Variants in SGCD observed in about 807,000 individuals in gnomAD.
The protein encoded by SGCD is delta-sarcoglycan.
A neutral mutation model predicts 36.6 loss-of-function variants in SGCD; 18 were observed. That is an observed-to-expected ratio of 0.49 (90% CI 0.34 to 0.73). The LOEUF is 0.73. SGCD is among the 30% of genes least tolerant of loss of function. The probability of loss-of-function intolerance (pLI) is 0.01; values close to 1 mark genes in which losing one functional copy is unlikely to be tolerated. For synonymous variants in SGCD, 133 were observed against 130.6 expected (o/e 1.02, Z -0.12); for missense variants, 387 against 346.7 (o/e 1.12, Z -0.92).
intron 7 of SGCD, among the ~76,000 whole-genome samples, chr5:156,752,964 T>TGTCA (rs1274761304): frequency 6.6e-6 from 1 of 152,086 alleles, no homozygotes; most frequent in Non-Finnish European, 1.5e-5. Flanking sequence ...GGTTACTCAC[T>TGTCA]GTCATCACCT....
chr5:155,824,416 CAGATA>C, the SGCD span, among the ~76,000 whole-genome samples: 40 of 152,228 alleles, frequency 2.6e-4, 1 homozygote, highest in African/African-American at 6.0e-4. Flanking sequence ...ATTATTGTAA[CAGATA>C]AAAGTTGGCA....
intron 2 of SGCD, among the ~76,000 whole-genome samples, chr5:156,342,782 G>C (rs1411627285): frequency 6.6e-6 from 1 of 152,212 alleles, no homozygotes; most frequent in African/African-American, 2.4e-5. Context: ...ACTTGCCCAT[G>C]GTATTTAGCT....
the SGCD span, among the ~76,000 whole-genome samples, chr5:155,852,652 CA>C: frequency 2.5e-3 from 382 of 151,906 alleles, 1 homozygote; most frequent in African/African-American, 8.0e-3. Context: ...CTGTCTTGGT[CA>C]AATAAATGAA....
At chr5:156,147,049 T>C (rs1191290047) in intron 3 of SGCD, among the ~76,000 whole-genome samples, 1 of 152,156 alleles carries the variant, frequency 6.6e-6, no homozygotes, top group African/African-American at 2.4e-5. Context: ...CATTAATTAA[T>C]GAAAATAATA....
chr5:156,694,013 A>G (rs111632536), intron 7 of SGCD, among the ~76,000 whole-genome samples: 8 of 152,210 alleles, frequency 5.3e-5, no homozygotes, highest in African/African-American at 1.9e-4. Context: ...TGTACTTGCA[A>G]TGACTTGTGA....
chr5:156,707,499 C>A (rs1754794026), intron 7 of SGCD, among the ~76,000 whole-genome samples: 1 of 152,044 alleles, frequency 6.6e-6, no homozygotes, highest in East Asian at 1.9e-4. Context: ...TAGACAGTAA[C>A]TAACATGAAA....
intron 3 of SGCD, among the ~76,000 whole-genome samples, chr5:156,416,688 C>A (rs1773055572): frequency 6.6e-6 from 1 of 152,188 alleles, no homozygotes; most frequent in African/African-American, 2.4e-5. Context: ...ACTCCTTCAT[C>A]TCTCTGGTCT....
chr5:156,217,041 G>T (rs1764594085), intron 3 of SGCD, among the ~76,000 whole-genome samples: 1 of 152,114 alleles, frequency 6.6e-6, no homozygotes, highest in South Asian at 2.1e-4. Flanking sequence ...TCGTGCCACT[G>T]CACTCCAGCC....
chr5:156,728,109 A>G (rs1257763324), intron 7 of SGCD, among the ~76,000 whole-genome samples: 1 of 152,214 alleles, frequency 6.6e-6, no homozygotes, highest in Non-Finnish European at 1.5e-5. Flanking sequence ...TTCAAAGAAG[A>G]CCAAAAGATA....
chr5:156,554,795 C>T (rs1043252065), intron 4 of SGCD, among the ~76,000 whole-genome samples: 4 of 152,038 alleles, frequency 2.6e-5, no homozygotes, highest in Non-Finnish European at 5.9e-5. Context: ...CTGTGTTTAA[C>T]TTACTGAGGG....
chr5:156,083,112 A>G (rs1447624706), intron 1 of SGCD, among the ~76,000 whole-genome samples: 1 of 151,734 alleles, frequency 6.6e-6, no homozygotes, highest in East Asian at 1.9e-4. Context: ...CTCTAATTGA[A>G]TTGTCTTTTT....
In SGCD at chr5:156,006,695, C is replaced by T. The variant is rs140935147; in HGVS notation, c.-281-111183C>T. ...TTTAGGCTACAATAACTGGTTGGGGCAAAAAAGAGATAAATGGGTGGATTC... is the reference window on the plus strand; with the variant it reads ...TTTAGGCTACAATAACTGGTTGGGGTAAAAAAGAGATAAATGGGTGGATTC... On this transcript the variant is annotated intron_variant, in intron 1 of 9. Coordinates refer to the SGCD transcript ENST00000517913. Among the ~76,000 whole-genome samples, 546 of 151,936 alleles carry T rather than the reference C, an allele frequency of 3.6e-3. 6 individuals carry two copies. Among genetic ancestry groups the T allele is most frequent in the African/African-American group, 0.012 (498 of 41,502 alleles).
intron 1 of SGCD, among the ~76,000 whole-genome samples, chr5:156,049,967 CAAAG>C (rs1469425206): frequency 6.8e-6 from 1 of 146,506 alleles, no homozygotes; most frequent in East Asian, 1.9e-4. Context: ...TTTGAATGGG[CAAAG>C]AAAGTGATTT....
intron 1 of SGCD, among the ~76,000 whole-genome samples, chr5:156,074,809 A>G (rs1009935571): frequency 1.3e-5 from 2 of 152,264 alleles, no homozygotes; most frequent in African/African-American, 4.8e-5. Flanking sequence ...ATGTTTTTGC[A>G]GGATAAACAG....
intron 1 of SGCD, among the ~76,000 whole-genome samples, chr5:156,047,266 A>G (rs192998205): frequency 2.6e-5 from 4 of 152,320 alleles, no homozygotes; most frequent in African/African-American, 7.2e-5. Context: ...GAGAAGCTAC[A>G]TAAGTTATCC....
At chr5:156,341,323 T>C (rs1768641187) in intron 2 of SGCD, among the ~76,000 whole-genome samples, 1 of 152,074 alleles carries the variant, frequency 6.6e-6, no homozygotes, top group African/African-American at 2.4e-5. Flanking sequence ...TTTTATTTTT[T>C]ATTTTATTTT....
intron 1 of SGCD, among the ~76,000 whole-genome samples, chr5:156,110,030 C>T (rs2127599043): frequency 2.0e-5 from 3 of 152,304 alleles, no homozygotes; most frequent in Admixed American, 2.0e-4. Flanking sequence ...AGATAACTCA[C>T]CTCTGCTTTG....
At chr5:155,908,652 T>C (rs1216772343) in intron 1 of SGCD, among the ~76,000 whole-genome samples, 1 of 152,162 alleles carries the variant, frequency 6.6e-6, no homozygotes, top group Non-Finnish European at 1.5e-5. Context: ...ATTGCAGCTA[T>C]TTCTGCACTG....
chr5:156,671,290 T>G (rs1261832829), intron 7 of SGCD, among the ~76,000 whole-genome samples: 1 of 105,886 alleles, frequency 9.4e-6, no homozygotes, highest in African/African-American at 3.2e-5. Context: ...TTTTTTTTTT[T>G]GAGACAGAGT....
Sources: gnomAD v4.1 joint callset for allele counts (sites outside exome capture counted in the v4.1 genomes callset) on GRCh38, gnomAD v4.1.1 for gene constraint, MANE v1.5 for transcripts, NCBI Gene and HGNC (gene_info 2026-07-23, HGNC 2026-07-21) for gene names.